WWOX: variants seen among roughly 807,000 people sequenced by gnomAD.
WWOX encodes WW domain-containing oxidoreductase.
Under a neutral mutation model 46.2 loss-of-function variants are expected in WWOX, and 69 were observed. The ratio of observed to expected loss-of-function variants is 1.49; its 90% CI spans 1.23 to 1.82. WWOX has a LOEUF of 1.82. WWOX is among the 40% of genes most tolerant of loss of function. WWOX has a pLI of 0.00. For missense variants in WWOX, 919 were observed against 542.6 expected (o/e 1.69, Z -6.89); for synonymous variants, 359 against 202.6 (o/e 1.77, Z -6.56).
At chr16:78,651,725 A>T (rs2046969947) in intron 8 of WWOX, among the ~76,000 whole-genome samples, 1 of 152,210 alleles carries the variant, frequency 6.6e-6, no homozygotes, top group Non-Finnish European at 1.5e-5. Context: ...GTAGGAGGGC[A>T]GCAGCCCAAA....
chr16:78,949,402 C>G (rs1434072133), intron 8 of WWOX, among the ~76,000 whole-genome samples: 1 of 152,174 alleles, frequency 6.6e-6, no homozygotes, highest in Non-Finnish European at 1.5e-5. Flanking sequence ...TCAACCAGCC[C>G]TCAGCTCATC....
At chr16:78,885,279 G>T (rs2044431403) in intron 8 of WWOX, among the ~76,000 whole-genome samples, 2 of 144,914 alleles carry the variant, frequency 1.4e-5, no homozygotes. Flanking sequence ...TCTTCCATCT[G>T]TATTTTCTTT....
At chr16:78,600,077 C>A (rs1181272386) in intron 8 of WWOX, among the ~76,000 whole-genome samples, 1 of 152,076 alleles carries the variant, frequency 6.6e-6, no homozygotes, top group Admixed American at 6.6e-5. Context: ...ACATGGTTGG[C>A]AGCAGGCAAA....
chr16:78,903,887 C>G (rs1005239700), intron 8 of WWOX, among the ~76,000 whole-genome samples: 3 of 152,284 alleles, frequency 2.0e-5, no homozygotes, highest in Non-Finnish European at 4.4e-5. Flanking sequence ...GTTGTTATTC[C>G]TCCTTTACAG....
intron 8 of WWOX, chr16:78,897,698 G>C (rs1034079487): frequency 3.9e-5 from 6 of 152,078 alleles, no homozygotes; most frequent in African/African-American, 4.8e-5. Context: ...TAAATACCTA[G>C]GTGTGAAATT....
At chr16:78,117,516 T>C (rs192341244) in intron 4 of WWOX, among the ~76,000 whole-genome samples, 2,651 of 152,250 alleles carry the variant, frequency 0.017, 34 homozygotes, top group Non-Finnish European at 0.024. Context: ...GCAGCAGTGG[T>C]ATCAGGTCTG....
intron 8 of WWOX, among the ~76,000 whole-genome samples, chr16:79,146,329 G>GC (rs1160221857): frequency 1.3e-5 from 2 of 152,100 alleles, no homozygotes; most frequent in African/African-American, 4.8e-5. Context: ...CTTCTTTGAT[G>GC]CCCCGTCTTC....
rs554993883 is a variant in WWOX, at chr16:78,368,346, A to G, written c.517-18514A>G. On this transcript the variant is annotated intron_variant, in intron 5 of 8. Coordinates refer to ENST00000566780, the MANE Select transcript of WWOX (RefSeq NM_016373.4). ...CTGGAACATATGGCCCTTAGCCACA[A>G]TTTCCCCACATGCCCTTCTGGGGGA... Among the ~76,000 whole-genome samples, 3 of 152,282 alleles carry G rather than the reference A, an allele frequency of 2.0e-5. No homozygotes were observed. The South Asian group carries it at 6.2e-4, about 32-fold the overall frequency.
At chr16:78,689,995 G>C (rs754815161) in intron 8 of WWOX, among the ~76,000 whole-genome samples, 10 of 151,904 alleles carry the variant, frequency 6.6e-5, no homozygotes, top group Admixed American at 3.3e-4. Context: ...TGAGTAGCTG[G>C]GATTACAGGT....
intron 8 of WWOX, among the ~76,000 whole-genome samples, chr16:78,485,155 T>A (rs371475678): frequency 8.5e-5 from 13 of 152,126 alleles, no homozygotes; most frequent in African/African-American, 2.7e-4. Context: ...AAAAAAAAAT[T>A]AATAAAGTTT....
intron 8 of WWOX, among the ~76,000 whole-genome samples, chr16:78,541,574 G>C (rs1268243352): frequency 2.0e-5 from 3 of 150,782 alleles, no homozygotes; most frequent in Admixed American, 1.3e-4. Context: ...TCTCTGGATA[G>C]GATAGGGTAT....
rs1292524546 is a variant in WWOX, at chr16:78,422,838, T to C, written c.606-2032T>C. 1.8e-3 allele frequency among the ~76,000 whole-genome samples: 174 copies of C among 96,410 alleles called. 7 individuals are homozygous for C. The highest frequency in any genetic ancestry group is 7.3e-3 in the African/African-American group (139 of 19,112). 63.2% of individuals were successfully genotyped at this position (96,410 alleles called of 152,430 possible). On this transcript the variant is annotated intron_variant, in intron 6 of 8. Transcript: ENST00000566780. Reference sequence around the variant, plus strand: ...ATATATACACACACATATATATATATACATATACACACACACACACACACA... The same window carrying C: ...ATATATACACACACATATATATATACACATATACACACACACACACACACA...
chr16:78,966,392 A>G (rs982502485), intron 8 of WWOX, among the ~76,000 whole-genome samples: 2 of 152,194 alleles, frequency 1.3e-5, no homozygotes, highest in Non-Finnish European at 2.9e-5. Context: ...CATACTGTCT[A>G]TAGAAGTTTT....
chr16:78,357,472 C>T (rs908799696), intron 5 of WWOX, among the ~76,000 whole-genome samples: 4 of 152,108 alleles, frequency 2.6e-5, no homozygotes, highest in African/African-American at 9.7e-5. Context: ...ACCACTTGGT[C>T]CCTTCAATCT....
chr16:78,618,902 G>C (rs998098710), intron 8 of WWOX, among the ~76,000 whole-genome samples: 4 of 151,156 alleles, frequency 2.6e-5, no homozygotes, highest in African/African-American at 9.7e-5. Context: ...TCTCCAAGTA[G>C]GAGGCCTTGG....
At chr16:78,545,860 C>A (rs1359010495) in intron 8 of WWOX, among the ~76,000 whole-genome samples, 1 of 152,112 alleles carries the variant, frequency 6.6e-6, no homozygotes, top group Non-Finnish European at 1.5e-5. Context: ...GGTGCACATC[C>A]CTGGTGTCTC....
intron 5 of WWOX, chr16:78,278,770 T>C (rs2079626270): frequency 1.0e-5 from 10 of 990,910 alleles, no homozygotes; most frequent in Non-Finnish European, 1.5e-5. Context: ...CTGACAGACA[T>C]GTACGATTTG....
chr16:78,499,150 G>C (rs74474967), intron 8 of WWOX, among the ~76,000 whole-genome samples: 2,351 of 152,044 alleles, frequency 0.015, 55 homozygotes, highest in African/African-American at 0.055. Flanking sequence ...CTCTTTCCTC[G>C]TGATGCACGG....
At chr16:78,566,969 G>C (rs1370464849) in intron 8 of WWOX, among the ~76,000 whole-genome samples, 1 of 152,214 alleles carries the variant, frequency 6.6e-6, no homozygotes, top group Non-Finnish European at 1.5e-5. Context: ...GCAACCACCA[G>C]TGTAATCATA....
Sources: allele counts gnomAD v4.1 joint callset (sites outside exome capture counted in the v4.1 genomes callset), GRCh38; gene constraint gnomAD v4.1.1; transcripts MANE v1.5; gene names NCBI Gene and HGNC (gene_info 2026-07-23, HGNC 2026-07-21).